ARHGAP26: variants seen among roughly 807,000 people sequenced by gnomAD.
ARHGAP26 encodes rho GTPase-activating protein 26.
Under a neutral mutation model 104.8 loss-of-function variants are expected in ARHGAP26, and 38 were observed. That is an observed-to-expected ratio of 0.36 (90% CI 0.28 to 0.48). The LOEUF (loss-of-function observed/expected upper bound fraction) is 0.48. Ranked by LOEUF, ARHGAP26 falls within the 20% of genes least tolerant of loss-of-function variation. The pLI is 0.99. For synonymous variants in ARHGAP26, 341 were observed against 340.0 expected, an observed-to-expected ratio of 1.00 and a Z score of -0.03; for missense variants, 704 against 947.9, an observed-to-expected ratio of 0.74 and a Z score of 3.38.
intron 12 of ARHGAP26, among the ~76,000 whole-genome samples, chr5:143,027,121 A>G (rs1370057642): frequency 6.6e-6 from 1 of 151,676 alleles, no homozygotes; most frequent in African/African-American, 2.4e-5. Context: ...TTGGGGACAC[A>G]TTAGGACTTG....
chr5:143,120,600 G>GA (rs1202331408), intron 17 of ARHGAP26, among the ~76,000 whole-genome samples: 1 of 152,158 alleles, frequency 6.6e-6, no homozygotes, highest in African/African-American at 2.4e-5. Context: ...TTGCCATGGA[G>GA]AAAAATGCTA....
At chr5:142,936,108 AACACACACACACACACACAC>A (rs149919795) in intron 11 of ARHGAP26, among the ~76,000 whole-genome samples, 3 of 139,762 alleles carry the variant, frequency 2.1e-5, no homozygotes, top group African/African-American at 7.9e-5. Flanking sequence ...AATCCCAAGG[AACACACACACACACACACAC>A]ACACACACAC....
intron 6 of ARHGAP26, among the ~76,000 whole-genome samples, chr5:142,896,202 T>G (rs1029818717): frequency 1.4e-4 from 21 of 152,364 alleles, no homozygotes; most frequent in African/African-American, 4.3e-4. Context: ...CACATAGAAT[T>G]TGCCTTTAGC....
rs1211581883 is a variant in ARHGAP26 at position 142,978,070 on chromosome 5, C to A, written c.1108-36010C>A. Reference sequence around the variant, plus strand: ...TCTTGAAAATATTTTCCATTTCACTCCTAGGTTCTTGTAGGCCTTCCCACA... The same window carrying A: ...TCTTGAAAATATTTTCCATTTCACTACTAGGTTCTTGTAGGCCTTCCCACA... On this transcript the variant is annotated intron_variant, in intron 11 of 22. Transcript: ENST00000645722. Among the ~76,000 whole-genome samples the A allele has an allele frequency of 2.0e-5, 3 of 152,294 alleles. No homozygotes were observed. The East Asian group carries it at 5.8e-4, about 29-fold the overall frequency.
intron 20 of ARHGAP26, among the ~76,000 whole-genome samples, chr5:143,179,852 A>G (rs1273297169): frequency 6.6e-6 from 1 of 151,740 alleles, no homozygotes; most frequent in Non-Finnish European, 1.5e-5. Context: ...TTTTGTCCCC[A>G]CTCAACCCAC....
At chr5:143,154,193 T>C (rs1359058742) in intron 20 of ARHGAP26, among the ~76,000 whole-genome samples, 1 of 150,144 alleles carries the variant, frequency 6.7e-6, no homozygotes, top group Non-Finnish European at 1.5e-5. Flanking sequence ...CTTTCATGGA[T>C]TTTATATTCT....
intron 3 of ARHGAP26, among the ~76,000 whole-genome samples, 176 bp downstream of exon 3, chr5:142,875,347 C>T (rs1333556266): frequency 6.6e-6 from 1 of 152,238 alleles, no homozygotes; most frequent in African/African-American, 2.4e-5. Flanking sequence ...TAAAGGATTA[C>T]TCTGGTGGAT....
At chr5:143,126,727 A>C (rs1796769182) in intron 18 of ARHGAP26, among the ~76,000 whole-genome samples, 1 of 152,204 alleles carries the variant, frequency 6.6e-6, no homozygotes, top group Admixed American at 6.5e-5. Flanking sequence ...GAATTATATG[A>C]GAACTAAAGA....
In ARHGAP26 at chr5:142,770,779, C is replaced by T; in HGVS notation, c.18C>T (p.Leu6=). Residue 6 remains leucine (L), a synonymous_variant, in exon 1 of 23, where the codon CTC becomes CTT. Transcript: ENST00000645722. Reference sequence around the variant, plus strand: ...CGCGCACCATGGGGCTCCCAGCGCTCGAGTTCAGCGACTGCTGCCTCGATA... The same window carrying T: ...CGCGCACCATGGGGCTCCCAGCGCTTGAGTTCAGCGACTGCTGCCTCGATA... MGLPA[L]EFSDCCLDSP... 3.2e-6 allele frequency: 5 copies of T among 1,540,910 alleles called. No homozygotes were observed. The highest frequency in any genetic ancestry group is 4.4e-6 in the Non-Finnish European group (5 of 1,140,702).
intron 11 of ARHGAP26, among the ~76,000 whole-genome samples, chr5:142,941,084 AAAAAAAAAAAAAAAAAG>A (rs1308310907): frequency 1.3e-5 from 2 of 149,722 alleles, no homozygotes. Flanking sequence ...CAAAAAAAAA[AAAAAAAAAAAAAAAAAG>A]AATCTATATT....
chr5:142,868,649 G>A (rs1201116461), intron 1 of ARHGAP26, among the ~76,000 whole-genome samples: 1 of 152,164 alleles, frequency 6.6e-6, no homozygotes, highest in Non-Finnish European at 1.5e-5. Context: ...TGTGCGGCAG[G>A]GTGAATGGTG....
At chr5:143,118,953 A>G (rs1053110292) in intron 17 of ARHGAP26, among the ~76,000 whole-genome samples, 12 of 152,036 alleles carry the variant, frequency 7.9e-5, no homozygotes, top group African/African-American at 2.4e-4. Flanking sequence ...TAAAAAAAAA[A>G]AAAGAAAGAA....
At chr5:142,885,275 T>C in intron 4 of ARHGAP26, 23 bp from the exon 5 acceptor site, 2 of 1,603,234 alleles carry the variant, frequency 1.2e-6, no homozygotes, top group East Asian at 2.2e-5. Flanking sequence ...TCTTTTTCTT[T>C]TTCTCTTCTC....
chr5:143,146,046 A>G (rs937704785), intron 19 of ARHGAP26, among the ~76,000 whole-genome samples: 6 of 152,222 alleles, frequency 3.9e-5, no homozygotes, highest in African/African-American at 1.4e-4. Flanking sequence ...TGAGGGATAT[A>G]TTGTAACATA....
chr5:143,145,236 T>C (rs187744890), intron 19 of ARHGAP26, among the ~76,000 whole-genome samples: 37 of 152,350 alleles, frequency 2.4e-4, no homozygotes, highest in Non-Finnish European at 4.7e-4. Context: ...GTAAATATAA[T>C]CACAGGAGAA....
At chr5:142,897,124 A>C (rs1401100927) in intron 6 of ARHGAP26, among the ~76,000 whole-genome samples, 1 of 152,194 alleles carries the variant, frequency 6.6e-6, no homozygotes, top group East Asian at 1.9e-4. Context: ...AGATGTGTGT[A>C]GTAGAGAGCT....
intron 13 of ARHGAP26, among the ~76,000 whole-genome samples, chr5:143,040,209 C>G (rs1375958110): frequency 1.3e-5 from 2 of 152,194 alleles, no homozygotes; most frequent in Non-Finnish European, 2.9e-5. Context: ...GGACCCATCA[C>G]TTAGTTTTTG....
At position 143,221,923 on chromosome 5, in the gene ARHGAP26, T is replaced by A. The variant is rs201149826; in HGVS notation, c.2192-435T>A. Among the ~76,000 whole-genome samples, 671 of 150,306 alleles carry A rather than the reference T, an allele frequency of 4.5e-3. 23 individuals carry two copies. The highest frequency in any genetic ancestry group is 0.041 in the Admixed American group (611 of 15,064). Reference sequence around the variant, plus strand: ...CTGGGCAGGTGGGTGGGTGGATGGATGGAAGGAAGGAAGGAAGGAAGGAAG... The same window carrying A: ...CTGGGCAGGTGGGTGGGTGGATGGAAGGAAGGAAGGAAGGAAGGAAGGAAG... On this transcript the variant is annotated intron_variant, in intron 22 of 22. Transcript: ENST00000645722.
At chr5:143,210,573 T>C (rs1030827093) in intron 21 of ARHGAP26, among the ~76,000 whole-genome samples, 1 of 152,210 alleles carries the variant, frequency 6.6e-6, no homozygotes, top group Non-Finnish European at 1.5e-5. Flanking sequence ...TATTTCCCTT[T>C]TCTTTCACTT....
Sources: gnomAD v4.1 joint callset for allele counts (sites outside exome capture counted in the v4.1 genomes callset) on GRCh38, gnomAD v4.1.1 for gene constraint, MANE v1.5 for transcripts, NCBI Gene and HGNC (gene_info 2026-07-23, HGNC 2026-07-21) for gene names.